LMO1: variants seen among roughly 807,000 people sequenced by gnomAD.
The protein encoded by LMO1 is LIM domain only 1.
Under a neutral mutation model 18.0 loss-of-function variants are expected in LMO1, and 10 were observed. The ratio of observed to expected loss-of-function variants is 0.55; its 90% CI spans 0.34 to 0.94. The LOEUF (loss-of-function observed/expected upper bound fraction) is 0.94. Among genes scored for constraint, LMO1 ranks in the 40% least tolerant of loss-of-function variants. The pLI is 0.02. For synonymous variants in LMO1, 77 were observed against 77.9 expected, an observed-to-expected ratio of 0.99 and a Z score of 0.06; for missense variants, 183 against 205.7, an observed-to-expected ratio of 0.89 and a Z score of 0.68.
At chr11:8,268,714 G>T, upstream of LMO1, 1 of 240,858 alleles carries the variant, frequency 4.2e-6, no homozygotes, top group Non-Finnish European at 7.9e-6. Flanking sequence ...CAGCTGCCCG[G>T]GCCGGGCCGC....
At chr11:8,262,435 A>C (rs1286145818) in intron 1 of LMO1, among the ~76,000 whole-genome samples, 1 of 152,084 alleles carries the variant, frequency 6.6e-6, no homozygotes, top group Non-Finnish European at 1.5e-5. Flanking sequence ...TTTCCCCCCA[A>C]GGGGGCTGGG....
At chr11:8,224,884 A>G (rs958092839) in intron 3 of LMO1, among the ~76,000 whole-genome samples, 163 bp from the exon 4 acceptor site, 1 of 152,112 alleles carries the variant, frequency 6.6e-6, no homozygotes. Context: ...AAGTCCCCAC[A>G]GCACACCTGG....
chr11:8,227,130 C>T, intron 2 of LMO1, 30 bp from the exon 3 acceptor site: 1 of 1,594,898 alleles, frequency 6.3e-7, no homozygotes. Flanking sequence ...GAGGACTCAG[C>T]AGCATTCTGG....
At chr11:8,232,784 T>C (rs1284647834) in intron 1 of LMO1, among the ~76,000 whole-genome samples, 1 of 152,158 alleles carries the variant, frequency 6.6e-6, no homozygotes, top group Non-Finnish European at 1.5e-5. Flanking sequence ...GGGGAGACCC[T>C]AGCCCACTAA....
chr11:8,226,972 G>A lies in LMO1; in HGVS notation c.365+3C>T. 6.2e-7 allele frequency: 1 copy of A among 1,612,454 alleles called. No homozygotes were observed. The highest frequency in any genetic ancestry group is 8.5e-7 in the Non-Finnish European group (1 of 1,179,254). On this transcript the variant is annotated splice_donor_region_variant and intron_variant, in intron 3 of 3. Transcript: ENST00000335790. ...GTGTTGGGTCGGCCAGTCCAGCACTGACCTCTGGTTGCAGAGCTGGCAGGC... is the reference window on the plus strand; with the variant it reads ...GTGTTGGGTCGGCCAGTCCAGCACTAACCTCTGGTTGCAGAGCTGGCAGGC...
chr11:8,242,366 T>A (rs1846810259), intron 1 of LMO1, among the ~76,000 whole-genome samples: 1 of 152,238 alleles, frequency 6.6e-6, no homozygotes, highest in Non-Finnish European at 1.5e-5. Context: ...CAGCTCTGGC[T>A]GTCACCTCTG....
In LMO1 at chr11:8,263,638, A is replaced by G. The variant is rs1847228836; in HGVS notation, c.-276T>C. 1 of 1,338,522 alleles carries G rather than the reference A, an allele frequency of 7.5e-7. No homozygotes were observed. Among genetic ancestry groups the G allele is most frequent in the Non-Finnish European group, 9.5e-7 (1 of 1,049,234 alleles). 82.9% of individuals were successfully genotyped at this position (1,338,522 alleles called of 1,614,324 possible). On this transcript the variant is annotated 5_prime_UTR_variant, in exon 1 of 4. Transcript: ENST00000335790. Reference sequence around the variant, plus strand: ...AGAGGGAGAGGGAGAGAGAAGGGGGAAAAGAGGATCAGAGCCGTTTCTTTG... The same window carrying G: ...AGAGGGAGAGGGAGAGAGAAGGGGGGAAAGAGGATCAGAGCCGTTTCTTTG...
At chr11:8,260,636 T>C (rs983105663) in intron 1 of LMO1, among the ~76,000 whole-genome samples, 2 of 152,180 alleles carry the variant, frequency 1.3e-5, no homozygotes, top group Non-Finnish European at 2.9e-5. Context: ...AACCCGTTGC[T>C]ACGGCAAAAC....
rs747180641 is a variant in LMO1, at chr11:8,263,328, C to A, written c.25+10G>T. 7 of 1,599,036 alleles carry A rather than the reference C, an allele frequency of 4.4e-6. No individual in the cohort carries two copies. Among genetic ancestry groups the A allele is most frequent in the African/African-American group, 4.1e-5 (3 of 74,036 alleles). On this transcript the variant is annotated intron_variant, in intron 1 of 3. Coordinates refer to ENST00000335790, the MANE Select transcript of LMO1 (RefSeq NM_002315.3). The stretch of plus-strand genomic sequence containing the variant: ...GGTGAGGGGCGTCGAGACCCCGGCC[C>A]GCCACCTACCGTCCTCCTTGTCCAG...
chr11:8,245,115 G>A (rs561451895), intron 1 of LMO1, among the ~76,000 whole-genome samples: 1 of 152,302 alleles, frequency 6.6e-6, no homozygotes, highest in South Asian at 2.1e-4. Flanking sequence ...TTTTGTGGAT[G>A]GGGAAACTGA....
intron 1 of LMO1, among the ~76,000 whole-genome samples, chr11:8,235,927 GAC>G (rs1262660905): frequency 6.6e-6 from 1 of 152,228 alleles, no homozygotes; most frequent in African/African-American, 2.4e-5. Context: ...GATAGTGAGA[GAC>G]ACTTATTTTG....
At chr11:8,259,108 T>C (rs942562722) in intron 1 of LMO1, among the ~76,000 whole-genome samples, 1 of 150,166 alleles carries the variant, frequency 6.7e-6, no homozygotes, top group Admixed American at 6.6e-5. Flanking sequence ...TCATGAATCA[T>C]ATGGGAAACT....
At chr11:8,268,509 C>A, upstream of LMO1, 2 of 1,317,760 alleles carry the variant, frequency 1.5e-6, no homozygotes, top group African/African-American at 1.5e-5. Context: ...GGCTCCGACT[C>A]CCGCCGCCGG....
chr11:8,244,452 G>A (rs1184527290), intron 1 of LMO1, among the ~76,000 whole-genome samples: 1 of 152,250 alleles, frequency 6.6e-6, no homozygotes, highest in Admixed American at 6.5e-5. Flanking sequence ...CGCATGGCGG[G>A]CACAGCCGAG....
At chr11:8,242,967 C>T (rs901537906) in intron 1 of LMO1, among the ~76,000 whole-genome samples, 1 of 152,214 alleles carries the variant, frequency 6.6e-6, no homozygotes, top group African/African-American at 2.4e-5. Context: ...ACCCTCCCGG[C>T]AAGCTGGACC....
chr11:8,243,538 C>G (rs970212472), intron 1 of LMO1, among the ~76,000 whole-genome samples: 1 of 152,162 alleles, frequency 6.6e-6, no homozygotes, highest in Non-Finnish European at 1.5e-5. Flanking sequence ...AGTGTCATCC[C>G]GTGTGAGAGT....
intron 1 of LMO1, among the ~76,000 whole-genome samples, chr11:8,249,322 T>A (rs1846948626): frequency 6.6e-6 from 1 of 151,942 alleles, no homozygotes; most frequent in Admixed American, 6.6e-5. Flanking sequence ...TGAGGAGAGG[T>A]CCATCTATAA....
chr11:8,253,693 C>T (rs1403841340), intron 1 of LMO1, among the ~76,000 whole-genome samples: 1 of 152,132 alleles, frequency 6.6e-6, no homozygotes, highest in East Asian at 1.9e-4. Context: ...CAGGCCAGCA[C>T]TGCTCCCACT....
At chr11:8,237,941 T>A (rs1395649132) in intron 1 of LMO1, among the ~76,000 whole-genome samples, 1 of 152,240 alleles carries the variant, frequency 6.6e-6, no homozygotes, top group Non-Finnish European at 1.5e-5. Flanking sequence ...TTTAAAGGAT[T>A]GAGGATTAAA....
Sources: allele counts gnomAD v4.1 joint callset (sites outside exome capture counted in the v4.1 genomes callset), GRCh38; gene constraint gnomAD v4.1.1; transcripts MANE v1.5; gene names NCBI Gene and HGNC (gene_info 2026-07-23, HGNC 2026-07-21).